Variants in CPNE4 observed in about 807,000 individuals in gnomAD.
CPNE4 encodes copine 4, also known as copine-4.
A neutral mutation model predicts 67.9 loss-of-function variants in CPNE4; 25 were observed. The observed-to-expected ratio is 0.37, with a 90% CI of 0.27 to 0.51. CPNE4 has a LOEUF of 0.51. Ranked by LOEUF, CPNE4 falls within the 20% of genes least tolerant of loss-of-function variation. The pLI, the probability that CPNE4 is intolerant of heterozygous loss-of-function variation, is 0.93. For synonymous variants in CPNE4, 242 were observed against 244.9 expected (o/e 0.99, Z 0.11); for missense variants, 464 against 690.8 (o/e 0.67, Z 3.68).
At chr3:132,028,881 T>C (rs1458665756) in intron 1 of CPNE4, among the ~76,000 whole-genome samples, 1 of 148,054 alleles carries the variant, frequency 6.8e-6, no homozygotes, top group Non-Finnish European at 1.5e-5. Flanking sequence ...GATTACATGA[T>C]TTTTTAAAAT....
intron 7 of CPNE4, among the ~76,000 whole-genome samples, chr3:131,663,398 C>T (rs2080178016): frequency 6.6e-6 from 1 of 151,868 alleles, no homozygotes; most frequent in Non-Finnish European, 1.5e-5. Flanking sequence ...TTGATAAATG[C>T]AGCAAACCAC....
intron 7 of CPNE4, among the ~76,000 whole-genome samples, chr3:131,656,664 C>T (rs58804431): frequency 0.058 from 8,872 of 152,238 alleles, 774 homozygotes; most frequent in African/African-American, 0.19. Flanking sequence ...TAGGCCAGTT[C>T]CTTTCCCACG....
chr3:131,853,137 A>C (rs2086301588), intron 2 of CPNE4, among the ~76,000 whole-genome samples: 1 of 151,814 alleles, frequency 6.6e-6, no homozygotes, highest in South Asian at 2.1e-4. Flanking sequence ...GAAAAATAAG[A>C]ATATTGGAGA....
At chr3:131,739,909 A>G (rs993553472) in intron 2 of CPNE4, among the ~76,000 whole-genome samples, 6 of 152,140 alleles carry the variant, frequency 3.9e-5, no homozygotes, top group African/African-American at 9.7e-5. Context: ...CCCCAACCCC[A>G]TCATATCCCA....
chr3:131,874,711 T>A (rs1447991375), intron 2 of CPNE4, among the ~76,000 whole-genome samples: 1 of 152,242 alleles, frequency 6.6e-6, no homozygotes, highest in Non-Finnish European at 1.5e-5. Context: ...TCACTTCATT[T>A]AAAAACCTGT....
intron 7 of CPNE4, among the ~76,000 whole-genome samples, chr3:131,661,737 G>T (rs1295133477): frequency 1.3e-5 from 2 of 152,240 alleles, no homozygotes; most frequent in East Asian, 3.9e-4. Flanking sequence ...AACTCAAGAG[G>T]ACCATGAGCT....
chr3:131,746,757 T>A (rs531346627), intron 2 of CPNE4, among the ~76,000 whole-genome samples: 2 of 152,310 alleles, frequency 1.3e-5, no homozygotes, highest in South Asian at 4.1e-4. Context: ...CTCTTTGATA[T>A]ACTGATTTTA....
chr3:131,883,765 T>C (rs574193762), intron 2 of CPNE4, among the ~76,000 whole-genome samples: 2 of 152,318 alleles, frequency 1.3e-5, no homozygotes, highest in African/African-American at 4.8e-5. Flanking sequence ...AAATTGTAAA[T>C]GCACAATACA....
chr3:131,924,098 C>A (rs1319179423), intron 1 of CPNE4, among the ~76,000 whole-genome samples: 1 of 152,156 alleles, frequency 6.6e-6, no homozygotes, highest in East Asian at 1.9e-4. Context: ...CATTACGTGT[C>A]CCCTGGGGAC....
At chr3:131,657,244 G>A (rs1331794127) in intron 7 of CPNE4, among the ~76,000 whole-genome samples, 2 of 152,106 alleles carry the variant, frequency 1.3e-5, no homozygotes, top group Non-Finnish European at 2.9e-5. Context: ...TGCCCCTAAA[G>A]ACATTAATTA....
intron 2 of CPNE4, among the ~76,000 whole-genome samples, chr3:131,853,824 G>T (rs1001505358): frequency 3.3e-5 from 5 of 151,784 alleles, no homozygotes; most frequent in African/African-American, 1.2e-4. Context: ...CAAGGAATAT[G>T]ATTTAAACCA....
At chr3:131,536,430 C>T (rs79894967) in intron 15 of CPNE4, among the ~76,000 whole-genome samples, 1,869 of 152,294 alleles carry the variant, frequency 0.012, 16 homozygotes, top group South Asian at 0.049. Flanking sequence ...TCATTATTAA[C>T]TATTATTGAA....
chr3:131,688,433 T>C (rs2080948820), intron 5 of CPNE4, among the ~76,000 whole-genome samples: 1 of 152,206 alleles, frequency 6.6e-6, no homozygotes, highest in African/African-American at 2.4e-5. Flanking sequence ...CCCACCTCTA[T>C]GCATTTACTC....
rs1034254977 is a variant in CPNE4 at position 131,949,791 on chromosome 3, T to A, written c.-1-44347A>T. 5.3e-5 allele frequency among the ~76,000 whole-genome samples: 8 copies of A among 152,296 alleles called. No homozygotes were observed. In the East Asian group the frequency reaches 9.6e-4, roughly 18 times the overall value. On this transcript the variant is annotated intron_variant, in intron 1 of 15. Coordinates refer to ENST00000429747, the MANE Select transcript of CPNE4 (RefSeq NM_130808.3). ...CCATTCTCTGCCTAATTTTCCTCCA[T>A]AATGTTTAGTGCCTTTTAAAATATT...
At chr3:131,559,474 T>C (rs994342577) in intron 11 of CPNE4, among the ~76,000 whole-genome samples, 1 of 151,996 alleles carries the variant, frequency 6.6e-6, no homozygotes, top group Non-Finnish European at 1.5e-5. Context: ...GATAGGTTTT[T>C]ATAGGCAAAA....
At chr3:131,716,623 C>T (rs1052957691) in intron 3 of CPNE4, among the ~76,000 whole-genome samples, 6 of 152,216 alleles carry the variant, frequency 3.9e-5, no homozygotes, top group African/African-American at 1.4e-4. Context: ...ACAAGCATTG[C>T]CTCTTCCCAT....
chr3:131,622,943 G>T (rs1052612458), intron 7 of CPNE4, among the ~76,000 whole-genome samples: 1 of 152,166 alleles, frequency 6.6e-6, no homozygotes, highest in African/African-American at 2.4e-5. Flanking sequence ...TGTTGCTGTT[G>T]TTGTTCTGTT....
At chr3:131,559,353 T>A (rs1261104908) in intron 11 of CPNE4, among the ~76,000 whole-genome samples, 5 of 151,972 alleles carry the variant, frequency 3.3e-5, no homozygotes, top group African/African-American at 1.2e-4. Flanking sequence ...AAAAACTGAG[T>A]TAGAATTGAT....
At chr3:131,750,525 G>A (rs2082599818) in intron 2 of CPNE4, among the ~76,000 whole-genome samples, 1 of 152,006 alleles carries the variant, frequency 6.6e-6, no homozygotes, top group Admixed American at 6.6e-5. Context: ...CTTATGAGTA[G>A]CATCATTTTA....
Sources: gnomAD v4.1 joint callset for allele counts (sites outside exome capture counted in the v4.1 genomes callset) on GRCh38, gnomAD v4.1.1 for gene constraint, MANE v1.5 for transcripts, NCBI Gene and HGNC (gene_info 2026-07-23, HGNC 2026-07-21) for gene names.